The following MYO18A variants were observed in gnomAD, a reference collection of about 807,000 sequenced individuals.
MYO18A encodes the protein myosin XVIIIA.
In MYO18A, 78 loss-of-function variants were observed where a neutral mutation model predicts 235.8. That is an observed-to-expected ratio of 0.33 (90% confidence interval 0.28 to 0.40). The LOEUF is 0.40. MYO18A is among the 10% of genes least tolerant of loss of function. MYO18A has a pLI of 1.00. For missense variants in MYO18A, 2,215 were observed against 2,699.3 expected, an observed-to-expected ratio of 0.82 and a Z score of 3.98; for synonymous variants, 977 against 1,077.8, an observed-to-expected ratio of 0.91 and a Z score of 1.83.
rs142430455 is a variant in MYO18A, at chr17:29,154,121, T to TGTGTGTGCGCGC, written c.999+11820_999+11821insGCGCGCACACAC. Among the ~76,000 whole-genome samples, 8 of 149,108 alleles carry TGTGTGTGCGCGC rather than the reference T, an allele frequency of 5.4e-5. No individual in the cohort carries two copies. In the East Asian group the frequency reaches 1.2e-3, roughly 22 times the overall value. On this transcript the variant is annotated intron_variant, in intron 2 of 41. Coordinates refer to ENST00000527372, the MANE Select transcript of MYO18A (RefSeq NM_078471.4). ...TGCAGAGTGTGTGTGTGTGTGTGTGTGCGCGCGCGTGCGTGTGTATGTGGC... is the reference window on the plus strand; with the variant it reads ...TGCAGAGTGTGTGTGTGTGTGTGTGTGTGTGTGCGCGCGCGCGCGCGTGCGTGTGTATGTGGC...
intron 13 of MYO18A, 34 bp downstream of exon 13, chr17:29,115,317 G>T: frequency 4.3e-6 from 7 of 1,609,664 alleles, no homozygotes; most frequent in Non-Finnish European, 5.9e-6. Context: ...CTCTGCCAAA[G>T]CAGGAAAAGC....
At chr17:29,104,906 C>T (rs1042928943) in intron 20 of MYO18A, among the ~76,000 whole-genome samples, 2 of 152,000 alleles carry the variant, frequency 1.3e-5, no homozygotes, top group East Asian at 1.9e-4. Flanking sequence ...TTGGGCCAGG[C>T]GCGGTGGCTC....
At chr17:29,131,729 C>CCA (rs972189042) in intron 2 of MYO18A, among the ~76,000 whole-genome samples, 60 of 152,350 alleles carry the variant, frequency 3.9e-4, no homozygotes, top group African/African-American at 1.4e-3. Flanking sequence ...AGAGGTCCAC[C>CCA]CACAGTGCCA....
intron 12 of MYO18A, 58 bp from the exon 13 acceptor site, chr17:29,115,499 A>G: frequency 6.3e-7 from 1 of 1,576,364 alleles, no homozygotes; most frequent in African/African-American, 1.3e-5. Context: ...CATCTGGGTA[A>G]GCCCCTGACC....
intron 14 of MYO18A, 51 bp from the exon 15 acceptor site, chr17:29,114,148 A>G: frequency 7.0e-7 from 1 of 1,429,758 alleles, no homozygotes; most frequent in Non-Finnish European, 9.7e-7. Context: ...ATTGTGGGGA[A>G]CAGCCTTGTG....
intron 26 of MYO18A, among the ~76,000 whole-genome samples, 193 bp from the exon 27 acceptor site, chr17:29,097,543 T>C (rs947542078): frequency 1.3e-5 from 2 of 152,224 alleles, no homozygotes; most frequent in Admixed American, 1.3e-4. Context: ...GAGATGTGGC[T>C]ACATGTGCTG....
chr17:29,148,541 G>C (rs2067896168), intron 2 of MYO18A, among the ~76,000 whole-genome samples: 1 of 152,048 alleles, frequency 6.6e-6, no homozygotes, highest in African/African-American at 2.4e-5. Flanking sequence ...GCCAGCGCAG[G>C]AGTCCCTTCC....
chr17:29,164,420 C>T (rs2068237930), intron 2 of MYO18A, among the ~76,000 whole-genome samples: 1 of 152,204 alleles, frequency 6.6e-6, no homozygotes, highest in Non-Finnish European at 1.5e-5. Context: ...AGGCCTGGAA[C>T]CCAACTACAG....
At chr17:29,110,731 T>A in intron 17 of MYO18A, 109 bp from the exon 18 acceptor site, 1 of 1,133,608 alleles carries the variant, frequency 8.8e-7, no homozygotes, top group Non-Finnish European at 1.2e-6. Flanking sequence ...TTCAGCCACG[T>A]CCAGGGGCCT....
intron 2 of MYO18A, among the ~76,000 whole-genome samples, chr17:29,157,326 C>T (rs927206249): frequency 2.0e-5 from 3 of 152,204 alleles, no homozygotes; most frequent in African/African-American, 4.8e-5. Flanking sequence ...AATGGTCACA[C>T]CCTTCTGCAG....
intron 2 of MYO18A, chr17:29,134,064 A>T: frequency 3.8e-6 from 1 of 264,344 alleles, no homozygotes; most frequent in Non-Finnish European, 7.6e-6. Flanking sequence ...AGAACATAGC[A>T]CTCCCTACCC....
rs747781096 is a variant in MYO18A at position 29,165,968 on chromosome 17, C to T, written c.973G>A (p.Glu325Lys). Residue 325 changes from glutamate (E) to lysine (K), a missense_variant, in exon 2 of 42, where the codon GAG (glutamate) becomes AAG (lysine). Transcript: ENST00000527372. ...ELSRSWLRSG[E>K]GPRREPSDAK... ...TCGGATGGCTCCCTGCGAGGTCCCT[C>T]GCCGCTCCGCAGCCAGCTCCTGCTG... The T allele has an allele frequency of 2.1e-5, 34 of 1,613,014 alleles. No homozygotes were observed. Among genetic ancestry groups the T allele is most frequent in the African/African-American group, 6.7e-5 (5 of 74,934 alleles).
intron 2 of MYO18A, chr17:29,128,640 G>C: frequency 1.1e-6 from 1 of 948,888 alleles, no homozygotes; most frequent in Non-Finnish European, 1.4e-6. Context: ...TCACGCCCTG[G>C]AACAGATCTC....
chr17:29,178,742 G>A (rs1458952904), intron 1 of MYO18A, among the ~76,000 whole-genome samples: 3 of 152,158 alleles, frequency 2.0e-5, no homozygotes, highest in Non-Finnish European at 4.4e-5. Context: ...ACTAAAAAGG[G>A]TGGGGAACAT....
intron 41 of MYO18A, among the ~76,000 whole-genome samples, chr17:29,081,301 A>G (rs1475182789): frequency 6.6e-6 from 1 of 152,158 alleles, no homozygotes; most frequent in African/African-American, 2.4e-5. Context: ...AGTTCAATTT[A>G]TTTCATTGTC....
chr17:29,165,914 T>C (rs1251061418), intron 2 of MYO18A, 28 bp downstream of exon 2: 10 of 1,593,418 alleles, frequency 6.3e-6, no homozygotes, highest in Non-Finnish European at 8.6e-6. Context: ...CATCCCTGCT[T>C]AGCCCAGGTG....
At chr17:29,080,907 G>A (rs2066105214) in intron 41 of MYO18A, 2 of 985,468 alleles carry the variant, frequency 2.0e-6, no homozygotes, top group Non-Finnish European at 2.4e-6. Flanking sequence ...CGGTGCCCCC[G>A]ATGGAGTCCT....
In MYO18A at chr17:29,117,822, C is replaced by T. The variant is rs979445279; in HGVS notation, c.2038+223G>A. ...CAGCCCTCCATGCTTCCTCATGGTG[C>T]CCCCCAGCACAGCCAGCTAAGTCCA... On this transcript the variant is annotated intron_variant, in intron 10 of 41. Transcript: ENST00000527372. The surrounding 1 kb of genome is among the most constrained non-coding windows in gnomAD (Gnocchi z 4.6). Among the ~76,000 whole-genome samples, 11 of 152,210 alleles carry T rather than the reference C, an allele frequency of 7.2e-5. No homozygotes were observed. Among genetic ancestry groups the T allele is most frequent in the African/African-American group, 2.4e-4 (10 of 41,456 alleles).
Position 29,118,823 on chromosome 17 carries a change from C to T in MYO18A, c.1830-383G>A, listed in dbSNP as rs369658159. Among the ~76,000 whole-genome samples the T allele has an allele frequency of 9.6e-4, 147 of 152,348 alleles. No homozygotes were observed. The highest frequency in any genetic ancestry group is 1.5e-3 in the Non-Finnish European group (105 of 68,026). The stretch of plus-strand genomic sequence containing the variant: ...TCATCATTTATCTCTTTTTAGTGAA[C>T]ACACGCGGCAAATCTGAATGTCTGA... On this transcript the variant is annotated intron_variant, in intron 8 of 41. Coordinates refer to ENST00000527372, the MANE Select transcript of MYO18A (RefSeq NM_078471.4). The surrounding 1 kb of genome is among the most constrained non-coding windows in gnomAD (Gnocchi z 4.2).
Sources: gnomAD v4.1 joint callset for allele counts (sites outside exome capture counted in the v4.1 genomes callset) on GRCh38, gnomAD v4.1.1 for gene constraint, Gnocchi (gnomAD v3.1) non-coding constraint, MANE v1.5 for transcripts, NCBI Gene and HGNC (gene_info 2026-07-23, HGNC 2026-07-21) for gene names.